Variants in EYA2 observed in about 807,000 individuals in gnomAD.
EYA2 encodes protein phosphatase EYA2.
In EYA2, 31 loss-of-function variants were observed where a neutral mutation model predicts 69.2. The observed-to-expected ratio is 0.45, with a 90% CI of 0.34 to 0.60. The LOEUF (loss-of-function observed/expected upper bound fraction) is 0.60, where lower values mean the gene tolerates loss of function less well. EYA2 is among the 20% of genes least tolerant of loss of function. The pLI is 0.02. For synonymous variants in EYA2, 257 were observed against 279.4 expected, an observed-to-expected ratio of 0.92 and a Z score of 0.80; for missense variants, 622 against 701.2, an observed-to-expected ratio of 0.89 and a Z score of 1.28.
Position 47,109,678 on chromosome 20 carries a change from C to A in EYA2, c.888+12510C>A, listed in dbSNP as rs146507070. On this transcript the variant is annotated intron_variant, in intron 9 of 15. Coordinates refer to ENST00000327619, the MANE Select transcript of EYA2 (RefSeq NM_005244.5). Reference sequence around the variant, plus strand: ...GATTACAAGCATGAGGCACCACACCCTGCCTGCACTATGGTTTTAGATCCT... The same window carrying A: ...GATTACAAGCATGAGGCACCACACCATGCCTGCACTATGGTTTTAGATCCT... Among the ~76,000 whole-genome samples, 348 of 152,256 alleles carry A rather than the reference C, an allele frequency of 2.3e-3. 2 individuals are homozygous for A. Among genetic ancestry groups the A allele is most frequent in the African/African-American group, 8.1e-3 (336 of 41,552 alleles).
Position 46,990,068 on chromosome 20 carries a change from C to A in EYA2, c.58C>A (p.Leu20Met). The A allele has an allele frequency of 6.2e-7, 1 of 1,613,096 alleles. No individual in the cohort carries two copies. The highest frequency in any genetic ancestry group is 8.5e-7 in the Non-Finnish European group (1 of 1,179,080). The change falls in exon 2 of 16, where the codon CTG (leucine) becomes ATG (methionine). Residue 20 changes from leucine to methionine, a missense_variant. Physicochemically the swap from Leu to Met is conservative, Grantham distance 15. Around this residue, in one of 2 missense-constraint regions of EYA2, gnomAD observed 365 missense variants for 349.7 expected, o/e 1.04. Transcript: ENST00000327619. ...TGTAAACAGCGATTGTCTGGATAAA[C>A]TGAAGTTTAACCGTGCTGACGCTGC... ...LTVNSDCLDKLKFNRADAAVW... is the reference protein window; with the variant it reads ...LTVNSDCLDKMKFNRADAAVW...
rs557517850 is a variant in EYA2, at chr20:46,976,117, T to G, written c.-10-13884T>G. Among the ~76,000 whole-genome samples the G allele has an allele frequency of 2.6e-3, 394 of 152,282 alleles. 1 individual carries two copies. Among genetic ancestry groups the G allele is most frequent in the Non-Finnish European group, 2.9e-3 (194 of 68,026 alleles). On this transcript the variant is annotated intron_variant, in intron 1 of 15. Coordinates refer to ENST00000327619, the MANE Select transcript of EYA2 (RefSeq NM_005244.5). The stretch of plus-strand genomic sequence containing the variant: ...GGCTCATGCCTGTAATCCCTGCACC[T>G]CGGGAGGCCGAAGTAGGAGGATCAC...
chr20:47,183,496 G>GGAAGGAGGACCCAGCCA, intron 15 of EYA2, 105 bp downstream of exon 15: 1 of 959,600 alleles, frequency 1.0e-6, no homozygotes, highest in Non-Finnish European at 1.6e-6. Context: ...TGGCTGGCTG[G>GGAAGGAGGACCCAGCCA]GTCCTCCTTC....
At chr20:46,961,800 A>G (rs3092054) in intron 1 of EYA2, among the ~76,000 whole-genome samples, 145,413 of 152,302 alleles carry the variant, frequency 0.95, 69,808 homozygotes, top group Middle Eastern at 0.99. Context: ...GTTCTCACTC[A>G]TAGTTGGAAG....
At chr20:47,053,916 G>C (rs6018244) in intron 5 of EYA2, among the ~76,000 whole-genome samples, 1 of 151,524 alleles carries the variant, frequency 6.6e-6, no homozygotes, top group African/African-American at 2.4e-5. Flanking sequence ...ATAGACTCAA[G>C]GCGGACTGCT....
intron 1 of EYA2, among the ~76,000 whole-genome samples, chr20:46,918,197 T>C (rs907482662): frequency 9.2e-5 from 14 of 151,880 alleles, no homozygotes; most frequent in African/African-American, 2.9e-4. Context: ...GGCAGGTGCC[T>C]GTAGTCCCAG....
At chr20:46,969,084 T>C (rs543113284) in intron 1 of EYA2, among the ~76,000 whole-genome samples, 1 of 151,884 alleles carries the variant, frequency 6.6e-6, no homozygotes, top group Admixed American at 6.6e-5. Context: ...GGATTTTTTT[T>C]ACCAGCAAAA....
intron 9 of EYA2, among the ~76,000 whole-genome samples, chr20:47,113,276 G>C (rs2032801618): frequency 6.6e-6 from 1 of 152,180 alleles, no homozygotes; most frequent in South Asian, 2.1e-4. Flanking sequence ...GAGAAGAATG[G>C]AGGAAAAGTT....
chr20:47,145,010 T>C (rs2033672535), intron 10 of EYA2, among the ~76,000 whole-genome samples: 1 of 152,228 alleles, frequency 6.6e-6, no homozygotes, highest in Admixed American at 6.5e-5. Flanking sequence ...TTGGCCCTTG[T>C]AGTTGAAAAG....
intron 5 of EYA2, among the ~76,000 whole-genome samples, chr20:47,057,697 G>C (rs939161862): frequency 6.6e-6 from 1 of 152,228 alleles, no homozygotes; most frequent in Non-Finnish European, 1.5e-5. Context: ...AAGGTGGAAG[G>C]GGGGATGTCT....
chr20:47,160,450 G>T (rs1217025375), intron 10 of EYA2, among the ~76,000 whole-genome samples: 1 of 152,142 alleles, frequency 6.6e-6, no homozygotes. Context: ...ACTAACCTCT[G>T]ATCTAGGTGG....
chr20:46,907,564 C>A (rs757257328), intron 1 of EYA2, among the ~76,000 whole-genome samples: 10 of 152,172 alleles, frequency 6.6e-5, no homozygotes, highest in Non-Finnish European at 1.3e-4. Context: ...TGAGGCCAGG[C>A]GCAGTGGCTC....
intron 2 of EYA2, among the ~76,000 whole-genome samples, chr20:47,000,789 T>C (rs943752244): frequency 2.0e-5 from 3 of 152,108 alleles, no homozygotes; most frequent in Admixed American, 6.5e-5. Context: ...ATCTCTCTGC[T>C]CCACCACCCT....
At chr20:47,064,909 A>G (rs1392028751) in intron 5 of EYA2, among the ~76,000 whole-genome samples, 2 of 152,216 alleles carry the variant, frequency 1.3e-5, no homozygotes, top group Non-Finnish European at 2.9e-5. Flanking sequence ...CTAGTAAAAC[A>G]TACCTGAGGC....
intron 1 of EYA2, among the ~76,000 whole-genome samples, chr20:46,922,545 T>C (rs1275210528): frequency 6.6e-6 from 1 of 152,096 alleles, no homozygotes; most frequent in Non-Finnish European, 1.5e-5. Context: ...TATAAACCAT[T>C]GAAAAAATAC....
At chr20:47,135,564 C>A (rs1422621514) in intron 9 of EYA2, among the ~76,000 whole-genome samples, 1 of 151,784 alleles carries the variant, frequency 6.6e-6, no homozygotes. Flanking sequence ...ATCCCACAGT[C>A]ACATAAACCA....
At chr20:47,164,975 A>C (rs1600760772) in intron 10 of EYA2, among the ~76,000 whole-genome samples, 1 of 152,092 alleles carries the variant, frequency 6.6e-6, no homozygotes, top group South Asian at 2.1e-4. Flanking sequence ...TGGCTCCCTC[A>C]CCCCTCTAGA....
intron 5 of EYA2, among the ~76,000 whole-genome samples, chr20:47,045,279 A>G (rs1251272024): frequency 3.3e-5 from 5 of 152,138 alleles, no homozygotes; most frequent in Non-Finnish European, 1.5e-5. Context: ...TCTCTTCCAC[A>G]TGGACTCTCT....
chr20:46,969,086 C>T (rs1017448134), intron 1 of EYA2, among the ~76,000 whole-genome samples: 2 of 151,396 alleles, frequency 1.3e-5, no homozygotes, highest in African/African-American at 2.4e-5. Context: ...ATTTTTTTTA[C>T]CAGCAAAAGA....
Sources: gnomAD v4.1 joint callset for allele counts (sites outside exome capture counted in the v4.1 genomes callset) on GRCh38, gnomAD v4.1.1 for gene constraint, gnomAD v4.1.1 regional missense constraint, MANE v1.5 for transcripts, NCBI Gene and HGNC (gene_info 2026-07-23, HGNC 2026-07-21) for gene names.